The following PPP1R9A variants were observed in gnomAD, a reference collection of about 807,000 sequenced individuals.
PPP1R9A encodes the protein neurabin-1.
Under a neutral mutation model 141.9 loss-of-function variants are expected in PPP1R9A, and 59 were observed. The observed-to-expected ratio is 0.42, with a 90% CI of 0.34 to 0.52. The LOEUF is 0.52. Among genes scored for constraint, PPP1R9A ranks in the 20% least tolerant of loss-of-function variants. The pLI, the probability that PPP1R9A is intolerant of heterozygous loss-of-function variation, is 0.10. For synonymous variants in PPP1R9A, 500 were observed against 569.7 expected, an observed-to-expected ratio of 0.88 and a Z score of 1.74; for missense variants, 1,444 against 1,611.9, an observed-to-expected ratio of 0.90 and a Z score of 1.78.
intron 4 of PPP1R9A, among the ~76,000 whole-genome samples, chr7:95,123,082 A>G (rs1296546973): frequency 1.3e-5 from 2 of 152,212 alleles, no homozygotes; most frequent in East Asian, 3.9e-4. Context: ...AAAATTTTGC[A>G]TTTAGTAGTT....
chr7:94,926,162 A>G (rs992551900), intron 2 of PPP1R9A, among the ~76,000 whole-genome samples: 8 of 152,158 alleles, frequency 5.3e-5, no homozygotes, highest in African/African-American at 1.9e-4. Flanking sequence ...TGATTTATTT[A>G]TAGGTAAAAT....
At chr7:95,095,307 A>G (rs1817881082) in intron 2 of PPP1R9A, among the ~76,000 whole-genome samples, 1 of 152,214 alleles carries the variant, frequency 6.6e-6, no homozygotes, top group Admixed American at 6.5e-5. Flanking sequence ...TAAGAAGCCT[A>G]TTTACAAAAC....
intron 2 of PPP1R9A, among the ~76,000 whole-genome samples, chr7:94,982,538 C>A (rs1473671756): frequency 1.3e-5 from 2 of 152,196 alleles, no homozygotes; most frequent in Admixed American, 1.3e-4. Flanking sequence ...GAGATGGTAT[C>A]TCATTGTGGT....
In PPP1R9A at chr7:95,185,930, G is replaced by A. The variant is rs138392220; in HGVS notation, c.1755-12419G>A. Among the ~76,000 whole-genome samples, 538 of 150,846 alleles carry A rather than the reference G, an allele frequency of 3.6e-3. 5 individuals carry two copies. The highest frequency in any genetic ancestry group is 4.9e-3 in the Non-Finnish European group (326 of 67,148). On this transcript the variant is annotated intron_variant, in intron 5 of 19. Transcript: ENST00000433360. ...TACCATGCTGTTTTGGTATAGCCAT[G>A]TAGTATAATTTGAAGTCAGGTAATG...
intron 2 of PPP1R9A, among the ~76,000 whole-genome samples, chr7:95,096,348 T>C (rs1818014709): frequency 6.6e-6 from 1 of 152,192 alleles, no homozygotes; most frequent in African/African-American, 2.4e-5. Flanking sequence ...CCTTCTGAGA[T>C]TGATGCTGCC....
At chr7:95,248,770 TTTA>T (rs1455104308) in intron 9 of PPP1R9A, among the ~76,000 whole-genome samples, 1 of 152,198 alleles carries the variant, frequency 6.6e-6, no homozygotes, top group Non-Finnish European at 1.5e-5. Flanking sequence ...AGATTAGCAC[TTTA>T]TTATGATTCT....
chr7:95,163,623 C>T (rs1344876986), intron 5 of PPP1R9A, among the ~76,000 whole-genome samples: 1 of 152,142 alleles, frequency 6.6e-6, no homozygotes, highest in Non-Finnish European at 1.5e-5. Flanking sequence ...GGTGTCATGT[C>T]AGTGCTCAAA....
At chr7:94,980,286 G>A (rs562805605) in intron 2 of PPP1R9A, among the ~76,000 whole-genome samples, 3 of 152,000 alleles carry the variant, frequency 2.0e-5, no homozygotes, top group Non-Finnish European at 2.9e-5. Flanking sequence ...CATGCGGCCC[G>A]TGGGCCACAG....
In PPP1R9A at chr7:95,000,451, AT is replaced by A. The variant is rs567612797; in HGVS notation, c.1395+88952del. On this transcript the variant is annotated intron_variant, in intron 2 of 19. Coordinates refer to ENST00000433360, the MANE Select transcript of PPP1R9A (RefSeq NM_001166160.2). ...TCTAACATTGGTACTTAGTAGTTTG[AT>A]TTTTTTTTAAACAAATCTTATTTTA... Among the ~76,000 whole-genome samples, 394 of 151,412 alleles carry A rather than the reference AT, an allele frequency of 2.6e-3. 1 individual carries two copies. The highest frequency in any genetic ancestry group is 0.01 in the Middle Eastern group (3 of 294).
intron 12 of PPP1R9A, among the ~76,000 whole-genome samples, chr7:95,267,171 A>G (rs937368631): frequency 6.6e-6 from 1 of 152,140 alleles, no homozygotes; most frequent in African/African-American, 2.4e-5. Flanking sequence ...TTCATAGACA[A>G]GAGGCACAAA....
chr7:95,281,465 TA>T (rs1451726107), intron 16 of PPP1R9A, among the ~76,000 whole-genome samples: 1 of 152,180 alleles, frequency 6.6e-6, no homozygotes, highest in Non-Finnish European at 1.5e-5. Flanking sequence ...ACCGCACATG[TA>T]AGAACCACAT....
chr7:95,160,453 G>A (rs1423820420), intron 4 of PPP1R9A, among the ~76,000 whole-genome samples: 1 of 151,738 alleles, frequency 6.6e-6, no homozygotes, highest in Non-Finnish European at 1.5e-5. Context: ...ATGTATGTTT[G>A]GTAAACTGAA....
chr7:95,286,041 C>T (rs752501575), intron 17 of PPP1R9A, among the ~76,000 whole-genome samples, 165 bp from the exon 18 acceptor site: 90 of 152,180 alleles, frequency 5.9e-4, no homozygotes, highest in Admixed American at 1.3e-3. Context: ...CTCAACCAGA[C>T]AAGGTGCAGC....
At chr7:95,111,413 AATATC>A (rs753257958) in intron 3 of PPP1R9A, 22 bp downstream of exon 3, 1 of 1,602,746 alleles carries the variant, frequency 6.2e-7, no homozygotes, top group South Asian at 1.1e-5. Context: ...CTACAGTGTT[AATATC>A]ATTATGTTGC....
chr7:95,137,433 A>G lies in PPP1R9A; in HGVS notation c.1649+16601A>G, dbSNP rs866110535. On this transcript the variant is annotated intron_variant, in intron 4 of 19. Transcript: ENST00000433360. ...ATGAACTCAAAAAAAAAAAAAAAAA[A>G]AAAAAGATGCAAGTCTTTTCAGAGT... is the stretch of plus-strand genomic sequence containing the variant. Among the ~76,000 whole-genome samples, 834 of 151,438 alleles carry G rather than the reference A, an allele frequency of 5.5e-3. 8 individuals are homozygous for G. Among genetic ancestry groups the G allele is most frequent in the African/African-American group, 0.018 (747 of 40,958 alleles).
chr7:95,024,562 T>C (rs1806522878), intron 2 of PPP1R9A, among the ~76,000 whole-genome samples: 1 of 152,202 alleles, frequency 6.6e-6, no homozygotes, highest in African/African-American at 2.4e-5. Flanking sequence ...TCTTTGTTGG[T>C]TTAAAGTCTG....
chr7:94,927,358 TG>T (rs1793612797), intron 2 of PPP1R9A, among the ~76,000 whole-genome samples: 2 of 152,282 alleles, frequency 1.3e-5, no homozygotes, highest in South Asian at 2.1e-4. Context: ...AGCAGGATGT[TG>T]GTAAGAATAT....
intron 2 of PPP1R9A, among the ~76,000 whole-genome samples, chr7:94,983,058 A>T (rs1800326650): frequency 6.6e-6 from 1 of 152,106 alleles, no homozygotes. Flanking sequence ...TTCCCCAGCA[A>T]CATTTATTAA....
In PPP1R9A at chr7:95,295,141, T is replaced by C. The variant is rs1024443943; in HGVS notation, c.*4838T>C. 2 of 152,598 alleles carry C rather than the reference T, an allele frequency of 1.3e-5. No individual in the cohort carries two copies. The highest frequency in any genetic ancestry group is 4.8e-5 in the African/African-American group (2 of 41,450). 9.5% of individuals were successfully genotyped at this position (152,598 alleles called of 1,614,324 possible). Reference sequence around the variant, plus strand: ...CACACGCACACACACTGCAATCACATGGCATTAAAAAATATATTGTGTATG... The same window carrying C: ...CACACGCACACACACTGCAATCACACGGCATTAAAAAATATATTGTGTATG... On this transcript the variant is annotated 3_prime_UTR_variant, in exon 20 of 20. Coordinates refer to ENST00000433360, the MANE Select transcript of PPP1R9A (RefSeq NM_001166160.2).
Sources: gnomAD v4.1 joint callset for allele counts (sites outside exome capture counted in the v4.1 genomes callset) on GRCh38, gnomAD v4.1.1 for gene constraint, MANE v1.5 for transcripts, NCBI Gene and HGNC (gene_info 2026-07-23, HGNC 2026-07-21) for gene names.